The following SH3PXD2B variants were observed in gnomAD, a reference collection of about 807,000 sequenced individuals.
The protein encoded by SH3PXD2B is SH3 and PX domains 2B, also known as SH3 and PX domain-containing protein 2B.
A neutral mutation model predicts 73.1 loss-of-function variants in SH3PXD2B; 37 were observed. The observed-to-expected ratio is 0.51, with a 90% confidence interval of 0.39 to 0.67. SH3PXD2B has a LOEUF of 0.67. Ranked by LOEUF, SH3PXD2B falls within the 30% of genes least tolerant of loss-of-function variation. SH3PXD2B has a pLI of 0.00. For synonymous variants in SH3PXD2B, 457 were observed against 480.5 expected, an observed-to-expected ratio of 0.95 and a Z score of 0.64; for missense variants, 1,053 against 1,197.8, an observed-to-expected ratio of 0.88 and a Z score of 1.78.
At chr5:172,327,815 C>T (rs1225247703) in intron 12 of SH3PXD2B, among the ~76,000 whole-genome samples, 1 of 147,994 alleles carries the variant, frequency 6.8e-6, no homozygotes, top group Non-Finnish European at 1.5e-5. Context: ...AGTGCAGTGG[C>T]ATAATCTTGG....
chr5:172,331,181 C>T (rs1169584512), downstream of SH3PXD2B, among the ~76,000 whole-genome samples: 2 of 152,030 alleles, frequency 1.3e-5, no homozygotes, highest in African/African-American at 2.4e-5. Flanking sequence ...GGCGACAGAG[C>T]GAGACTCTTG....
chr5:172,424,357 G>A (rs1759045709), intron 1 of SH3PXD2B, among the ~76,000 whole-genome samples: 3 of 152,356 alleles, frequency 2.0e-5, no homozygotes, highest in South Asian at 2.1e-4. Flanking sequence ...GGCAGTGGCT[G>A]TGGGTAGAGG....
chr5:172,432,650 G>A (rs900160781), intron 1 of SH3PXD2B, among the ~76,000 whole-genome samples: 3 of 151,990 alleles, frequency 2.0e-5, no homozygotes, highest in Admixed American at 6.6e-5. Context: ...GGCTGGGTGC[G>A]GTCCGCCTGT....
At chr5:172,449,871 T>C (rs910281207) in intron 1 of SH3PXD2B, among the ~76,000 whole-genome samples, 2 of 152,152 alleles carry the variant, frequency 1.3e-5, no homozygotes, top group Non-Finnish European at 2.9e-5. Context: ...CGGCACGAGC[T>C]TGAAAAAACA....
chr5:172,446,387 G>A (rs531479400), intron 1 of SH3PXD2B, among the ~76,000 whole-genome samples: 1 of 152,168 alleles, frequency 6.6e-6, no homozygotes, highest in Non-Finnish European at 1.5e-5. Context: ...AGACTAACAG[G>A]CTGCTCGGGG....
rs988057479 is a variant in SH3PXD2B, at chr5:172,354,069, C to G, written c.668-64G>C. On this transcript the variant is annotated intron_variant, in intron 8 of 12. Coordinates refer to ENST00000311601, the MANE Select transcript of SH3PXD2B (RefSeq NM_001017995.3). ...CCAAGAGGCTTGGGATGCCGTAATC[C>G]CCGTGATGCCCTTGCCCGTCGGAGG... 2.6e-5 allele frequency: 37 copies of G among 1,448,438 alleles called. No homozygotes were observed. In the African/African-American group the frequency reaches 5.0e-4, roughly 20 times the overall value. 89.7% of individuals were successfully genotyped at this position (1,448,438 alleles called of 1,614,324 possible).
In SH3PXD2B at chr5:172,334,925, C is replaced by T. The variant is rs968664947; in HGVS notation, c.*3444G>A. 44 of 985,252 alleles carry T rather than the reference C, an allele frequency of 4.5e-5. No individual in the cohort carries two copies. The highest frequency in any genetic ancestry group is 5.2e-5 in the Non-Finnish European group (43 of 829,940). The allele number at this position is 985,252 out of a possible 1,614,324, so 61.0% of individuals were successfully genotyped here. On this transcript the variant is annotated 3_prime_UTR_variant, in exon 13 of 13. Transcript: ENST00000311601. ...ATTGACTTGGAAATTGATTCTATGG[C>T]GTGGCCTTGTGGCAGAGGTTTAAAA...
intron 2 of SH3PXD2B, among the ~76,000 whole-genome samples, chr5:172,409,160 T>TGGCCTGAGGTCAGGAGATCGAGACC (rs1758631295): frequency 6.6e-6 from 1 of 152,064 alleles, no homozygotes; most frequent in Admixed American, 6.6e-5. Flanking sequence ...GGTGGGTGGA[T>TGGCCTGAGGTCAGGAGATCGAGACC]GGCCTGAGGT....
intron 2 of SH3PXD2B, among the ~76,000 whole-genome samples, chr5:172,410,726 A>G (rs1344088718): frequency 1.3e-5 from 2 of 152,258 alleles, no homozygotes; most frequent in East Asian, 3.8e-4. Context: ...TCACATTACT[A>G]ATACTAAATA....
At chr5:172,328,118 ATTT>A (rs145836169) in intron 12 of SH3PXD2B, among the ~76,000 whole-genome samples, 3 of 140,068 alleles carry the variant, frequency 2.1e-5, no homozygotes, top group South Asian at 2.2e-4. Flanking sequence ...TAGTAGGCTG[ATTT>A]TTTTTTTTTT....
chr5:172,346,231 T>C lies in SH3PXD2B; in HGVS notation c.1093A>G (p.Ile365Val). 2 of 1,613,998 alleles carry C rather than the reference T, an allele frequency of 1.2e-6. No homozygotes were observed. The highest frequency in any genetic ancestry group is 1.7e-6 in the Non-Finnish European group (2 of 1,180,004). ...TACTCTTCCTCCACTTGGGGCGGGA[T>C]GGGCGGCTTCGGCAGGTTGAGGCCT... ...PRGLNLPKPP[I>V]PPQVEEEYYT... The change falls in exon 12 of 13, where the codon ATC (isoleucine) becomes GTC (valine). Residue 365 changes from isoleucine to valine, a missense_variant. Coordinates refer to ENST00000311601, the MANE Select transcript of SH3PXD2B (RefSeq NM_001017995.3).
intron 4 of SH3PXD2B, among the ~76,000 whole-genome samples, chr5:172,389,451 T>C (rs1488067168): frequency 1.3e-5 from 2 of 151,652 alleles, no homozygotes; most frequent in Admixed American, 1.3e-4. Context: ...TAAAATCTTA[T>C]TGTAAGTAAC....
rs185833019 is a variant in SH3PXD2B at position 172,426,797 on chromosome 5, C to G, written c.76-4301G>C. ...AATTTCCCATGGAAAGCGCCTGTCA[C>G]ACAGAAGAAAGCAGAGCCAGAGGGA... On this transcript the variant is annotated intron_variant, in intron 1 of 12. Transcript: ENST00000311601. Among the ~76,000 whole-genome samples the G allele has an allele frequency of 6.4e-4, 97 of 152,320 alleles. 1 individual carries two copies. In the South Asian group the frequency reaches 7.9e-3, roughly 12 times the overall value.
chr5:172,335,243 G>GA lies in SH3PXD2B; in HGVS notation c.*3125dup, dbSNP rs1262164399. 169 of 1,055,546 alleles carry GA rather than the reference G, an allele frequency of 1.6e-4. No individual in the cohort carries two copies. The highest frequency in any genetic ancestry group is 8.5e-4 in the East Asian group (13 of 15,256). The allele number at this position is 1,055,546 out of a possible 1,614,324, so 65.4% of individuals were successfully genotyped here. A position where few individuals can be genotyped will look rare whatever the true frequency, so the allele number is the denominator to read the frequency against. On this transcript the variant is annotated 3_prime_UTR_variant, in exon 13 of 13. Coordinates refer to ENST00000311601, the MANE Select transcript of SH3PXD2B (RefSeq NM_001017995.3). ...TGTTAATAAGCAGGGGTGAGGGGAA[G>GA]AAAAAAAAATCTCTGCCCACCTTTT...
At chr5:172,352,166 T>A (rs1239290144) in intron 9 of SH3PXD2B, among the ~76,000 whole-genome samples, 1 of 152,232 alleles carries the variant, frequency 6.6e-6, no homozygotes. Flanking sequence ...CAATTTATTA[T>A]GCAGCAAGAT....
intron 5 of SH3PXD2B, among the ~76,000 whole-genome samples, chr5:172,375,561 C>T (rs372466554): frequency 1.3e-5 from 2 of 152,138 alleles, no homozygotes; most frequent in Non-Finnish European, 2.9e-5. Flanking sequence ...CTGTCTCTAA[C>T]GATTTGCCTA....
At chr5:172,393,155 G>A (rs1354269754) in intron 4 of SH3PXD2B, among the ~76,000 whole-genome samples, 1 of 152,174 alleles carries the variant, frequency 6.6e-6, no homozygotes, top group East Asian at 1.9e-4. Context: ...TTCATTCTGG[G>A]AGGAGTTCCA....
At position 172,353,846 on chromosome 5, in the gene SH3PXD2B, C is replaced by T. The variant is rs1173718090; in HGVS notation, c.785+42G>A. 2 of 1,564,952 alleles carry T rather than the reference C, an allele frequency of 1.3e-6. No homozygotes were observed. The highest frequency in any genetic ancestry group is 4.5e-5 in the East Asian group (2 of 44,638). Reference sequence around the variant, plus strand: ...GTGACCCCAAACCCACCCAGCGTGACCCCAAACCCACCCAGCAACCGTGGG... The same window carrying T: ...GTGACCCCAAACCCACCCAGCGTGATCCCAAACCCACCCAGCAACCGTGGG... On this transcript the variant is annotated intron_variant, in intron 9 of 12. Transcript: ENST00000311601. The surrounding 1 kb of genome is among the most constrained non-coding windows in gnomAD (Gnocchi z 4.3).
intron 4 of SH3PXD2B, among the ~76,000 whole-genome samples, chr5:172,383,458 A>C (rs1056190775): frequency 6.6e-6 from 1 of 152,262 alleles, no homozygotes; most frequent in Admixed American, 6.5e-5. Flanking sequence ...ACAGAAGTGC[A>C]GGGTACACTC....
Sources: gnomAD v4.1 joint callset for allele counts (sites outside exome capture counted in the v4.1 genomes callset) on GRCh38, gnomAD v4.1.1 for gene constraint, Gnocchi (gnomAD v3.1) non-coding constraint, MANE v1.5 for transcripts, NCBI Gene and HGNC (gene_info 2026-07-23, HGNC 2026-07-21) for gene names.